The following MCHR2 variants were observed in gnomAD, a reference collection of about 807,000 sequenced individuals.
MCHR2 encodes the protein melanin concentrating hormone receptor 2, also known as melanin-concentrating hormone receptor 2.
Under a neutral mutation model 24.8 loss-of-function variants are expected in MCHR2, and 15 were observed. The observed-to-expected ratio is 0.60, with a 90% CI of 0.40 to 0.93. The LOEUF (loss-of-function observed/expected upper bound fraction) is 0.93, where lower values mean the gene tolerates loss of function less well. MCHR2 is among the 40% of genes least tolerant of loss of function. MCHR2 has a pLI of 0.00. For missense variants in MCHR2, 386 were observed against 408.7 expected, an observed-to-expected ratio of 0.94 and a Z score of 0.48; for synonymous variants, 151 against 147.6, an observed-to-expected ratio of 1.02 and a Z score of -0.17.
At chr6:99,924,706 T>C (rs1440222544) in intron 5 of MCHR2, among the ~76,000 whole-genome samples, 2 of 152,140 alleles carry the variant, frequency 1.3e-5, no homozygotes, top group African/African-American at 4.8e-5. Flanking sequence ...GTTTGTATAG[T>C]TTCCAAAATT....
chr6:99,922,938 G>T (rs978440482), intron 5 of MCHR2, among the ~76,000 whole-genome samples: 4 of 151,922 alleles, frequency 2.6e-5, no homozygotes, highest in African/African-American at 9.7e-5. Context: ...AATATCATTG[G>T]TATTTTGATA....
intron 1 of MCHR2, among the ~76,000 whole-genome samples, chr6:99,966,813 A>C (rs1775303903): frequency 6.6e-6 from 1 of 152,138 alleles, no homozygotes; most frequent in African/African-American, 2.4e-5. Flanking sequence ...TGTATAAAGA[A>C]TCTCTCAATT....
chr6:99,969,558 C>CT (rs984377279), intron 1 of MCHR2, among the ~76,000 whole-genome samples: 7 of 146,700 alleles, frequency 4.8e-5, no homozygotes, highest in South Asian at 4.4e-4. Context: ...AGCATTTTTT[C>CT]TTTTTTTTCT....
chr6:99,975,820 C>G (rs995162432), intron 1 of MCHR2, among the ~76,000 whole-genome samples: 1 of 152,246 alleles, frequency 6.6e-6, no homozygotes, highest in African/African-American at 2.4e-5. Flanking sequence ...ATCAGTATAG[C>G]TTAAACAACT....
At chr6:99,966,038 G>A (rs974657447) in intron 1 of MCHR2, among the ~76,000 whole-genome samples, 6 of 152,228 alleles carry the variant, frequency 3.9e-5, no homozygotes, top group Admixed American at 1.3e-4. Context: ...CCAGGCTAAT[G>A]AAATCTCAGC....
Position 99,984,262 on chromosome 6 carries a change from T to TTTC in MCHR2, c.-28+9673_-28+9674insGAA, listed in dbSNP as rs1392599929. ...TATTTTTTTATTTTTATTTATTTAT[T>TTTC]TTTCTTTATTATTATACTTTAAGTT... On this transcript the variant is annotated intron_variant, in intron 1 of 5. Coordinates refer to ENST00000281806, the MANE Select transcript of MCHR2 (RefSeq NM_001040179.2). Among the ~76,000 whole-genome samples the TTTC allele has an allele frequency of 9.9e-5, 10 of 101,210 alleles. 1 individual carries two copies. Among genetic ancestry groups the TTTC allele is most frequent in the Non-Finnish European group, 4.5e-5 (2 of 44,520 alleles). The allele number at this position is 101,210 out of a possible 152,430, so 66.4% of individuals were successfully genotyped here.
intron 1 of MCHR2, among the ~76,000 whole-genome samples, chr6:99,960,114 A>G (rs61495177): frequency 0.029 from 4,477 of 152,120 alleles, 207 homozygotes; most frequent in East Asian, 0.12. Flanking sequence ...GATTCAAGGG[A>G]CTTCCAATAC....
At chr6:99,963,550 A>G (rs1351261303) in intron 1 of MCHR2, among the ~76,000 whole-genome samples, 1 of 152,136 alleles carries the variant, frequency 6.6e-6, no homozygotes, top group Non-Finnish European at 1.5e-5. Flanking sequence ...AGTTTCAGTC[A>G]TGCAAGGTGA....
At chr6:99,960,592 C>T (rs762951061) in intron 1 of MCHR2, among the ~76,000 whole-genome samples, 10 of 152,102 alleles carry the variant, frequency 6.6e-5, no homozygotes, top group Admixed American at 1.3e-4. Flanking sequence ...TACTACAAGG[C>T]TACAGTAACC....
At chr6:99,923,929 G>C (rs1293793542) in intron 5 of MCHR2, among the ~76,000 whole-genome samples, 3 of 152,082 alleles carry the variant, frequency 2.0e-5, no homozygotes, top group Non-Finnish European at 2.9e-5. Flanking sequence ...TGGTGTTGTA[G>C]AATGAGTTTG....
At chr6:99,928,894 T>C (rs1562117888) in intron 5 of MCHR2, among the ~76,000 whole-genome samples, 1 of 152,210 alleles carries the variant, frequency 6.6e-6, no homozygotes, top group Admixed American at 6.5e-5. Context: ...TGAATGTGTT[T>C]GCTCTTGGTT....
At chr6:99,988,375 T>C (rs1260088578) in intron 1 of MCHR2, among the ~76,000 whole-genome samples, 2 of 152,186 alleles carry the variant, frequency 1.3e-5, no homozygotes, top group Non-Finnish European at 2.9e-5. Context: ...CTCATCCTCA[T>C]GTAAGCACAA....
At position 99,956,124 on chromosome 6, in the gene MCHR2, A is replaced by G. The variant is rs974628236; in HGVS notation, c.24T>C (p.Cys8=). The change falls in exon 2 of 6, where the codon TGT becomes TGC. Residue 8 remains cysteine (C), a synonymous_variant. Transcript: ENST00000281806. ...TTAAAAGTTCGGCAGAGGTGTTCCA[A>G]CAAGATGCATGAAATGGATTCATTG... MNPFHAS[C]WNTSAELLNK... is the part of the protein sequence containing the mutation. The G allele has an allele frequency of 6.2e-7, 1 of 1,612,366 alleles. No individual in the cohort carries two copies. The highest frequency in any genetic ancestry group is 8.5e-7 in the Non-Finnish European group (1 of 1,179,176).
At position 99,994,025 on chromosome 6, in the gene MCHR2, C is replaced by G. The variant is rs991368775; in HGVS notation, c.-117G>C. ...AGGTCTATCCGCTAAGCGCGCGTGA[C>G]CAAAAACGGCTCTCAGCGGGTCCCA... On this transcript the variant is annotated 5_prime_UTR_variant, in exon 1 of 6. Transcript: ENST00000281806. 6.6e-6 allele frequency: 1 copy of G among 152,302 alleles called. No individual in the cohort carries two copies. The highest frequency in any genetic ancestry group is 1.5e-5 in the Non-Finnish European group (1 of 68,166). 9.4% of individuals were successfully genotyped at this position (152,302 alleles called of 1,614,324 possible). A position where few individuals can be genotyped will look rare whatever the true frequency, so the allele number is the denominator to read the frequency against.
Position 99,918,600 on chromosome 6 carries a change from G to A in MCHR2, c.*2340C>T, listed in dbSNP as rs576621046. ...TTGAATAAGAATAGAATAAGGATAC[G>A]ATTATTATTTGACTGAGTGACAAAT... On this transcript the variant is annotated 3_prime_UTR_variant, in exon 6 of 6. Coordinates refer to ENST00000281806, the MANE Select transcript of MCHR2 (RefSeq NM_001040179.2). Among the ~76,000 whole-genome samples the A allele has an allele frequency of 2.6e-5, 4 of 152,162 alleles. No homozygotes were observed. Among genetic ancestry groups the A allele is most frequent in the Admixed American group, 1.3e-4 (2 of 15,284 alleles).
intron 1 of MCHR2, among the ~76,000 whole-genome samples, chr6:99,991,808 CAA>C (rs3038469): frequency 7.3e-5 from 6 of 82,058 alleles, no homozygotes; most frequent in African/African-American, 9.3e-5. Context: ...GACTCCGTCT[CAA>C]AAAAAAAAAA....
intron 5 of MCHR2, among the ~76,000 whole-genome samples, chr6:99,930,941 C>T (rs1275115961): frequency 6.6e-6 from 1 of 152,146 alleles, no homozygotes; most frequent in Admixed American, 6.5e-5. Flanking sequence ...TCCAGTTTTT[C>T]TGCTCTGTTT....
At position 99,919,920 on chromosome 6, in the gene MCHR2, G is replaced by A. The variant is rs940981942; in HGVS notation, c.*1020C>T. Reference sequence around the variant, plus strand: ...TCTTTTTTTATTTTTAGTAGACAGGGTCTCACTATGTTGGCCAGACTGGTC... The same window carrying A: ...TCTTTTTTTATTTTTAGTAGACAGGATCTCACTATGTTGGCCAGACTGGTC... On this transcript the variant is annotated 3_prime_UTR_variant, in exon 6 of 6. Transcript: ENST00000281806. The A allele has an allele frequency of 6.6e-6, 1 of 151,888 alleles. No homozygotes were observed. Among genetic ancestry groups the A allele is most frequent in the African/African-American group, 2.4e-5 (1 of 41,314 alleles). 9.4% of individuals were successfully genotyped at this position (151,888 alleles called of 1,614,324 possible). A position where few individuals can be genotyped will look rare whatever the true frequency, so the allele number is the denominator to read the frequency against.
chr6:99,940,149 C>A (rs1319244159), intron 4 of MCHR2, among the ~76,000 whole-genome samples: 1 of 151,864 alleles, frequency 6.6e-6, no homozygotes, highest in African/African-American at 2.4e-5. Context: ...GGGAAATTTT[C>A]TGTTATTATT....
Sources: allele counts gnomAD v4.1 joint callset (sites outside exome capture counted in the v4.1 genomes callset), GRCh38; gene constraint gnomAD v4.1.1; transcripts MANE v1.5; gene names NCBI Gene and HGNC (gene_info 2026-07-23, HGNC 2026-07-21).